Variants in SYNE3 observed in about 807,000 individuals in gnomAD.
The protein encoded by SYNE3 is nesprin-3.
Under a neutral mutation model 111.2 loss-of-function variants are expected in SYNE3, and 100 were observed. The observed-to-expected ratio is 0.90, with a 90% CI of 0.77 to 1.06. The LOEUF is 1.06. Among genes scored for constraint, SYNE3 ranks in the 50% least tolerant of loss-of-function variants. The pLI is 0.00. For synonymous variants in SYNE3, 547 were observed against 533.9 expected, an observed-to-expected ratio of 1.02 and a Z score of -0.34; for missense variants, 1,160 against 1,240.3, an observed-to-expected ratio of 0.94 and a Z score of 0.97.
intron 1 of SYNE3, among the ~76,000 whole-genome samples, chr14:95,495,310 G>A (rs1361863707): frequency 6.6e-6 from 1 of 152,180 alleles, no homozygotes; most frequent in African/African-American, 2.4e-5. Context: ...GCCCACCTTG[G>A]ACAATGCTGT....
In SYNE3 at chr14:95,470,647, T is replaced by C. The variant is rs1739078601; in HGVS notation, c.145-2680A>G. Among the ~76,000 whole-genome samples, 1 of 134,270 alleles carries C rather than the reference T, an allele frequency of 7.4e-6. No homozygotes were observed. Among genetic ancestry groups the C allele is most frequent in the Non-Finnish European group, 1.6e-5 (1 of 63,844 alleles). The allele number at this position is 134,270 out of a possible 152,430, so 88.1% of individuals were successfully genotyped here. ...GCCTGGGCAGCAGGGCAAGAACCTG[T>C]CACTAAAAAACTAAAAATAAGAAAA... is the stretch of plus-strand genomic sequence containing the variant. On this transcript the variant is annotated intron_variant, in intron 2 of 17. Coordinates refer to ENST00000682763, the MANE Select transcript of SYNE3 (RefSeq NM_152592.6). This position sits in a 1 kb window ranked among gnomAD's most constrained non-coding sequence, Gnocchi z 4.2.
chr14:95,421,017 T>TTA (rs1281979585), intron 17 of SYNE3, among the ~76,000 whole-genome samples: 1 of 152,346 alleles, frequency 6.6e-6, no homozygotes, highest in East Asian at 1.9e-4. Flanking sequence ...GATGGTTTTA[T>TTA]AAGGGGTTTC....
At chr14:95,457,904 C>T (rs981716561) in intron 4 of SYNE3, among the ~76,000 whole-genome samples, 7 of 152,290 alleles carry the variant, frequency 4.6e-5, no homozygotes, top group African/African-American at 1.7e-4. Context: ...TAGAAACCAG[C>T]ATTTCTAGCT....
At chr14:95,503,802 G>A (rs1038416158) in intron 1 of SYNE3, among the ~76,000 whole-genome samples, 2 of 151,706 alleles carry the variant, frequency 1.3e-5, no homozygotes, top group Admixed American at 6.6e-5. Context: ...TATATTTTTT[G>A]TAGAGATGGG....
At chr14:95,495,572 CA>C (rs1890055999) in intron 1 of SYNE3, among the ~76,000 whole-genome samples, 2 of 152,230 alleles carry the variant, frequency 1.3e-5, no homozygotes, top group Admixed American at 6.5e-5. Context: ...ACCTTCAAAT[CA>C]GGGGTCATCG....
rs991717944 is a variant in SYNE3 at position 95,417,755 on chromosome 14, C to T, written c.*71G>A. The stretch of plus-strand genomic sequence containing the variant: ...CTGCCCCTGTTTCCAGTTTCCCTGG[C>T]GAGCATCCTCAGGAGGGGCCCTGGG... On this transcript the variant is annotated 3_prime_UTR_variant, in exon 18 of 18. Transcript: ENST00000682763. 29 of 1,530,970 alleles carry T rather than the reference C, an allele frequency of 1.9e-5. No homozygotes were observed. Among genetic ancestry groups the T allele is most frequent in the Middle Eastern group, 3.4e-4 (2 of 5,912 alleles). 94.8% of individuals were successfully genotyped at this position (1,530,970 alleles called of 1,614,324 possible).
At chr14:95,486,117 C>T (rs1889533572) in intron 1 of SYNE3, among the ~76,000 whole-genome samples, 1 of 152,130 alleles carries the variant, frequency 6.6e-6, no homozygotes, top group African/African-American at 2.4e-5. Flanking sequence ...AACACACTCC[C>T]CAGTGCCCAT....
chr14:95,509,397 G>A (rs1236291143), intron 1 of SYNE3, among the ~76,000 whole-genome samples: 1 of 152,198 alleles, frequency 6.6e-6, no homozygotes, highest in Non-Finnish European at 1.5e-5. Flanking sequence ...GAGCAAGGCG[G>A]ATAAGCAGGG....
intron 1 of SYNE3, among the ~76,000 whole-genome samples, chr14:95,509,936 A>G (rs183908083): frequency 3.3e-5 from 5 of 152,334 alleles, no homozygotes; most frequent in Admixed American, 3.3e-4. Context: ...GTTAGGAGAT[A>G]CCATCTTGGC....
At chr14:95,431,851 C>A (rs1400933776) in intron 17 of SYNE3, among the ~76,000 whole-genome samples, 1 of 152,212 alleles carries the variant, frequency 6.6e-6, no homozygotes, top group Non-Finnish European at 1.5e-5. Context: ...CCTGTCCCAG[C>A]GGAGGACTCT....
chr14:95,487,891 C>T (rs1478898909), intron 1 of SYNE3, among the ~76,000 whole-genome samples: 2 of 149,154 alleles, frequency 1.3e-5, no homozygotes, highest in Non-Finnish European at 3.0e-5. Flanking sequence ...CTGCCACCCT[C>T]GAGACAGCAA....
At chr14:95,501,551 A>T (rs1396856584) in intron 1 of SYNE3, among the ~76,000 whole-genome samples, 1 of 152,198 alleles carries the variant, frequency 6.6e-6, no homozygotes, top group Non-Finnish European at 1.5e-5. Context: ...CGGAAGAAAG[A>T]TGCATCCACA....
At chr14:95,442,774 T>C (rs1401151193) in intron 11 of SYNE3, among the ~76,000 whole-genome samples, 1 of 152,240 alleles carries the variant, frequency 6.6e-6, no homozygotes, top group Non-Finnish European at 1.5e-5. Flanking sequence ...GCCTGTGTTC[T>C]GGGCTGCCTA....
chr14:95,461,047 G>A (rs1246747696), intron 4 of SYNE3, among the ~76,000 whole-genome samples: 1 of 152,220 alleles, frequency 6.6e-6, no homozygotes, highest in African/African-American at 2.4e-5. Context: ...ACAGTCACAG[G>A]GCAGAATCCA....
chr14:95,439,958 C>T lies in SYNE3; in HGVS notation c.2029G>A (p.Glu677Lys), dbSNP rs1288157699. Reference sequence around the variant, plus strand: ...GACTCGGCATCCCCCGGGCCCGCCTCTCCCCGGTGTGCCTCCAGCTTTTGC... The same window carrying T: ...GACTCGGCATCCCCCGGGCCCGCCTTTCCCCGGTGTGCCTCCAGCTTTTGC... ...TTQKLEAHRG[E>K]AGPGDAESQE... is the part of the protein sequence containing the mutation. Residue 677 changes from glutamate to lysine, a missense_variant, in exon 12 of 18, where the codon GAG becomes AAG. Physicochemically the swap from Glu to Lys is moderately conservative, Grantham distance 56. Coordinates refer to ENST00000682763, the MANE Select transcript of SYNE3 (RefSeq NM_152592.6). 1 of 1,613,976 alleles carries T rather than the reference C, an allele frequency of 6.2e-7. No homozygotes were observed. Among genetic ancestry groups the T allele is most frequent in the African/African-American group, 1.3e-5 (1 of 74,952 alleles).
At chr14:95,448,505 G>C (rs1357586687) in intron 8 of SYNE3, among the ~76,000 whole-genome samples, 3 of 152,162 alleles carry the variant, frequency 2.0e-5, no homozygotes, top group Admixed American at 6.5e-5. Context: ...TGGTCAACAT[G>C]ATGAAACCCC....
intron 1 of SYNE3, among the ~76,000 whole-genome samples, chr14:95,498,054 A>G (rs1566688092): frequency 6.7e-6 from 1 of 150,158 alleles, no homozygotes; most frequent in African/African-American, 2.5e-5. Context: ...GGAAAAAAGT[A>G]GCATCATAGA....
At chr14:95,441,549 G>T (rs1157459827) in intron 11 of SYNE3, among the ~76,000 whole-genome samples, 1 of 152,212 alleles carries the variant, frequency 6.6e-6, no homozygotes, top group Non-Finnish European at 1.5e-5. Flanking sequence ...ATAAGAATTG[G>T]AATATCATCA....
In SYNE3 at chr14:95,415,089, G is replaced by T. The variant is rs17111984; in HGVS notation, c.*2737C>A. ...CAGGCTGCATACATGCCCAGTGGCT[G>T]TTTTTTTCATGTAGTTGCTGACATG... On this transcript the variant is annotated 3_prime_UTR_variant, in exon 18 of 18. Coordinates refer to ENST00000682763, the MANE Select transcript of SYNE3 (RefSeq NM_152592.6). The T allele has an allele frequency of 6.6e-6, 1 of 151,874 alleles. No individual in the cohort carries two copies. Among genetic ancestry groups the T allele is most frequent in the East Asian group, 1.9e-4 (1 of 5,156 alleles). 9.4% of individuals were successfully genotyped at this position (151,874 alleles called of 1,614,324 possible).
Sources: allele counts gnomAD v4.1 joint callset (sites outside exome capture counted in the v4.1 genomes callset), GRCh38; gene constraint gnomAD v4.1.1; non-coding constraint Gnocchi (gnomAD v3.1); transcripts MANE v1.5; gene names NCBI Gene and HGNC (gene_info 2026-07-23, HGNC 2026-07-21).